REDIC1: variants seen among roughly 807,000 people sequenced by gnomAD.
The protein encoded by REDIC1 is HEI10 Interacting Protein 1.
the REDIC1 span, among the ~76,000 whole-genome samples, chr12:39,750,377 A>C: frequency 6.6e-6 from 1 of 151,830 alleles, no homozygotes; most frequent in East Asian, 1.9e-4. Flanking sequence ...GGACCTCTTC[A>C]AGAACTACAA....
chr12:39,843,878 G>C, the REDIC1 span, among the ~76,000 whole-genome samples: 2 of 151,918 alleles, frequency 1.3e-5, no homozygotes, highest in African/African-American at 4.8e-5. Context: ...TATCATCCTG[G>C]TTCTGAGCTA....
chr12:39,824,230 T>C, the REDIC1 span, among the ~76,000 whole-genome samples: 2 of 152,228 alleles, frequency 1.3e-5, no homozygotes, highest in East Asian at 3.8e-4. Flanking sequence ...GGGTTTTGAA[T>C]GGTCCTAGTT....
chr12:39,739,621 A>C, the REDIC1 span, among the ~76,000 whole-genome samples: 1 of 152,184 alleles, frequency 6.6e-6, no homozygotes, highest in East Asian at 1.9e-4. Context: ...CAAATATTAT[A>C]AGTCACTATA....
the REDIC1 span, among the ~76,000 whole-genome samples, chr12:39,774,017 T>C: frequency 6.6e-6 from 1 of 152,184 alleles, no homozygotes; most frequent in Non-Finnish European, 1.5e-5. Flanking sequence ...ACAAGGTCCC[T>C]AAGCTATCAC....
the REDIC1 span, among the ~76,000 whole-genome samples, chr12:39,866,329 GTT>G: frequency 6.6e-6 from 1 of 152,170 alleles, no homozygotes; most frequent in Non-Finnish European, 1.5e-5. Flanking sequence ...GATGACTGTA[GTT>G]TTTAGCTAGC....
chr12:39,829,630 C>T, the REDIC1 span: 3 of 162,012 alleles, frequency 1.9e-5, no homozygotes, highest in Non-Finnish European at 4.1e-5. Flanking sequence ...CCAGGGTGGT[C>T]TCGAACTCCT....
At chr12:39,706,160 A>T in the REDIC1 span, among the ~76,000 whole-genome samples, 98 of 152,210 alleles carry the variant, frequency 6.4e-4, no homozygotes, top group African/African-American at 2.1e-3. Flanking sequence ...TAGCATTTTT[A>T]TATGCCAACA....
chr12:39,646,516 A>T, the REDIC1 span: 3 of 1,456,078 alleles, frequency 2.1e-6, no homozygotes, highest in Non-Finnish European at 2.8e-6. Context: ...TATTAACAAC[A>T]CTTTTACTCA....
At chr12:39,743,725 G>A in the REDIC1 span, among the ~76,000 whole-genome samples, 2 of 152,140 alleles carry the variant, frequency 1.3e-5, no homozygotes, top group African/African-American at 4.8e-5. Flanking sequence ...TAGACTGGAC[G>A]CAGCTCAGGA....
chr12:39,658,285 A>G, the REDIC1 span, among the ~76,000 whole-genome samples: 1 of 152,032 alleles, frequency 6.6e-6, no homozygotes, highest in Non-Finnish European at 1.5e-5. Context: ...GGGTTTCACC[A>G]TGTTGGCCAG....
chr12:39,713,327 CACATAT>C, the REDIC1 span, among the ~76,000 whole-genome samples: 8 of 141,238 alleles, frequency 5.7e-5, 1 homozygote, highest in Admixed American at 4.9e-4. Context: ...TATGTGTATA[CACATAT>C]ACGTGTATAT....
chr12:39,805,905 T>G, the REDIC1 span, among the ~76,000 whole-genome samples: 2 of 152,192 alleles, frequency 1.3e-5, no homozygotes, highest in Admixed American at 6.5e-5. Flanking sequence ...CAGGATTTGC[T>G]TAGTTTCACA....
chr12:39,758,065 A>G, the REDIC1 span: 2 of 151,708 alleles, frequency 1.3e-5, no homozygotes, highest in Non-Finnish European at 3.0e-5. Flanking sequence ...CAATAGAATA[A>G]TAATTTTCCC....
At chr12:39,711,818 C>T in the REDIC1 span, among the ~76,000 whole-genome samples, 2 of 62,968 alleles carry the variant, frequency 3.2e-5, no homozygotes, top group East Asian at 4.4e-4. Flanking sequence ...TATGTGTGTA[C>T]ACATGCATGT....
the REDIC1 span, among the ~76,000 whole-genome samples, chr12:39,838,573 T>C: frequency 6.7e-6 from 1 of 149,990 alleles, no homozygotes; most frequent in African/African-American, 2.4e-5. Flanking sequence ...AGTATTCATA[T>C]ATTTAGAACA....
chr12:39,797,727 AACACACACACACAC>A, the REDIC1 span, among the ~76,000 whole-genome samples: 4 of 84,002 alleles, frequency 4.8e-5, no homozygotes, highest in South Asian at 5.0e-4. Flanking sequence ...AGTTATGGTA[AACACACACACACAC>A]ACACACACAC....
chr12:39,685,016 G>A, the REDIC1 span: 1 of 879,800 alleles, frequency 1.1e-6, no homozygotes, highest in Admixed American at 2.6e-5. Flanking sequence ...TTTGATTTAA[G>A]CTTAACATTT....
At chr12:39,844,304 T>C in the REDIC1 span, among the ~76,000 whole-genome samples, 1 of 152,062 alleles carries the variant, frequency 6.6e-6, no homozygotes, top group African/African-American at 2.4e-5. Context: ...CTTCACAGTT[T>C]AGGGTCATAG....
chr12:39,746,296 C>T, the REDIC1 span, among the ~76,000 whole-genome samples: 1 of 152,328 alleles, frequency 6.6e-6, no homozygotes, highest in African/African-American at 2.4e-5. Context: ...ATGTCCCATG[C>T]CTGGCTTGGA....
Sources: gnomAD v4.1 joint callset for allele counts (sites outside exome capture counted in the v4.1 genomes callset) on GRCh38, gnomAD v4.1.1 for gene constraint, MANE v1.5 for transcripts, NCBI Gene and HGNC (gene_info 2026-07-23, HGNC 2026-07-21) for gene names.